PAK5: variants seen among roughly 807,000 people sequenced by gnomAD.
PAK5 encodes the protein p21 (RAC1) activated kinase 5, also known as serine/threonine-protein kinase PAK 5.
PAK5 carries 16 observed loss-of-function variants against 65.9 expected under a neutral mutation model. That is an observed-to-expected ratio of 0.24 (90% CI 0.16 to 0.37). PAK5 has a LOEUF of 0.37. PAK5 is among the 10% of genes least tolerant of loss of function. The pLI is 1.00. For missense variants in PAK5, 785 were observed against 903.9 expected (o/e 0.87, Z 1.69); for synonymous variants, 371 against 354.9 (o/e 1.05, Z -0.51).
rs1157867380 is a variant in PAK5, at chr20:9,563,024, C to A, written c.1483G>T (p.Val495Phe). The A allele has an allele frequency of 6.2e-6, 10 of 1,612,372 alleles. No individual in the cohort carries two copies. Among genetic ancestry groups the A allele is most frequent in the Non-Finnish European group, 8.5e-6 (10 of 1,179,338 alleles). ...QQRRELLFNE[V>F]VIMRDYHHDN... ...TGGTGGTAATCCCGCATGATCACGA[C>A]CTGGGGAAACGGGAAATATACTTTT... is the stretch of plus-strand genomic sequence containing the variant. Residue 495 changes from valine to phenylalanine, a missense_variant and splice_region_variant, in exon 6 of 10, where the codon GTC becomes TTC. By Grantham distance (50) the Val-to-Phe change is conservative. Around this residue, in one of 4 missense-constraint regions of PAK5, gnomAD observed 182 missense variants for 273.0 expected, o/e 0.67. Coordinates refer to ENST00000353224, the MANE Select transcript of PAK5 (RefSeq NM_177990.4).
chr20:9,745,281 C>A (rs2048493562), intron 1 of PAK5, among the ~76,000 whole-genome samples: 1 of 151,392 alleles, frequency 6.6e-6, no homozygotes, highest in Admixed American at 6.6e-5. Flanking sequence ...TTTTTAATGT[C>A]ATTTTTGCTG....
chr20:9,792,083 G>A (rs1241978408), intron 1 of PAK5, among the ~76,000 whole-genome samples: 2 of 152,142 alleles, frequency 1.3e-5, no homozygotes, highest in African/African-American at 4.8e-5. Context: ...CTTGAGGGGT[G>A]ACTCAATGAC....
chr20:9,694,168 G>A (rs1171820479), intron 2 of PAK5, among the ~76,000 whole-genome samples: 7 of 152,012 alleles, frequency 4.6e-5, no homozygotes, highest in African/African-American at 1.4e-4. Flanking sequence ...AAATTGGACT[G>A]ATAGCTGCAA....
At chr20:9,799,654 C>G in intron 1 of PAK5, among the ~76,000 whole-genome samples, 1 of 151,916 alleles carries the variant, frequency 6.6e-6, no homozygotes, top group East Asian at 1.9e-4. Flanking sequence ...TCTGCAGCCA[C>G]TGAACATGAG....
intron 3 of PAK5, among the ~76,000 whole-genome samples, chr20:9,586,522 C>T (rs1415971016): frequency 6.6e-6 from 1 of 152,088 alleles, no homozygotes; most frequent in Non-Finnish European, 1.5e-5. Flanking sequence ...ATCTATGTGT[C>T]TAGGCCTATA....
intron 3 of PAK5, among the ~76,000 whole-genome samples, chr20:9,620,058 C>A (rs948855904): frequency 2.0e-5 from 3 of 152,196 alleles, no homozygotes; most frequent in Non-Finnish European, 4.4e-5. Flanking sequence ...CTTTAGTGTA[C>A]AGATAACATG....
chr20:9,587,246 G>A (rs992043688), intron 3 of PAK5, among the ~76,000 whole-genome samples: 1 of 152,056 alleles, frequency 6.6e-6, no homozygotes, highest in African/African-American at 2.4e-5. Flanking sequence ...GCTTCATATG[G>A]TGGGAAAAAA....
At chr20:9,644,709 T>A (rs775375509) in intron 2 of PAK5, among the ~76,000 whole-genome samples, 6 of 152,170 alleles carry the variant, frequency 3.9e-5, no homozygotes, top group Non-Finnish European at 8.8e-5. Context: ...GATCTCTCTC[T>A]CAGGGAGATG....
Position 9,757,746 on chromosome 20 carries a change from T to C in PAK5, c.-161-46311A>G, listed in dbSNP as rs145918499. On this transcript the variant is annotated intron_variant, in intron 1 of 9. Transcript: ENST00000353224. ...TCTAGGTCTTCCAAGAACATTTTTA[T>C]GCACATGTATACTGATCTCCTTCAT... Among the ~76,000 whole-genome samples the C allele has an allele frequency of 3.7e-3, 557 of 152,320 alleles. 3 individuals carry two copies. Among genetic ancestry groups the C allele is most frequent in the African/African-American group, 0.013 (521 of 41,584 alleles).
intron 1 of PAK5, among the ~76,000 whole-genome samples, chr20:9,723,101 G>C (rs1204835368): frequency 1.3e-5 from 2 of 152,166 alleles, no homozygotes; most frequent in African/African-American, 4.8e-5. Flanking sequence ...CGAGCGTGGA[G>C]CAGCGGGTGC....
chr20:9,540,972 G>A (rs908659429), intron 9 of PAK5, among the ~76,000 whole-genome samples: 4 of 152,114 alleles, frequency 2.6e-5, no homozygotes, highest in African/African-American at 4.8e-5. Flanking sequence ...TCCTGACCTC[G>A]TGATCCGCCC....
intron 1 of PAK5, among the ~76,000 whole-genome samples, chr20:9,734,094 T>C (rs940234998): frequency 1.3e-5 from 2 of 152,208 alleles, no homozygotes; most frequent in African/African-American, 4.8e-5. Flanking sequence ...TTAGATTTCC[T>C]GTGGTAATAG....
intron 3 of PAK5, among the ~76,000 whole-genome samples, chr20:9,627,964 C>T (rs6056763): frequency 8.5e-5 from 13 of 152,296 alleles, no homozygotes; most frequent in African/African-American, 2.6e-4. Context: ...AGAACTCACA[C>T]TTGTACGGTT....
chr20:9,835,234 T>C (rs1299776958), intron 1 of PAK5, among the ~76,000 whole-genome samples: 2 of 152,214 alleles, frequency 1.3e-5, no homozygotes. Context: ...ATGGCCATTA[T>C]AGAGCTTACA....
At chr20:9,631,554 G>A (rs1281896944) in intron 3 of PAK5, among the ~76,000 whole-genome samples, 2 of 152,198 alleles carry the variant, frequency 1.3e-5, no homozygotes, top group Admixed American at 1.3e-4. Context: ...TGAGCCTCCA[G>A]ATGGGAATGA....
At chr20:9,786,992 T>C (rs1363671308) in intron 1 of PAK5, among the ~76,000 whole-genome samples, 1 of 152,168 alleles carries the variant, frequency 6.6e-6, no homozygotes, top group Non-Finnish European at 1.5e-5. Flanking sequence ...AATTTAAGTA[T>C]TTCTGAATCA....
chr20:9,762,828 G>A (rs569985418), intron 1 of PAK5, among the ~76,000 whole-genome samples: 36 of 152,114 alleles, frequency 2.4e-4, no homozygotes, highest in Middle Eastern at 6.8e-3. Flanking sequence ...TGTTCACTGT[G>A]GCATTACACA....
At chr20:9,818,212 C>T (rs953999661) in intron 1 of PAK5, among the ~76,000 whole-genome samples, 5 of 152,168 alleles carry the variant, frequency 3.3e-5, no homozygotes, top group Admixed American at 6.5e-5. Context: ...TTCCATTATT[C>T]CTCAGGTATG....
intron 2 of PAK5, among the ~76,000 whole-genome samples, chr20:9,688,793 T>C (rs1233889730): frequency 6.6e-6 from 1 of 152,112 alleles, no homozygotes; most frequent in Non-Finnish European, 1.5e-5. Flanking sequence ...TGTTGTCATA[T>C]GAAACAATTT....
Sources: gnomAD v4.1 joint callset for allele counts (sites outside exome capture counted in the v4.1 genomes callset) on GRCh38, gnomAD v4.1.1 for gene constraint, gnomAD v4.1.1 regional missense constraint, MANE v1.5 for transcripts, NCBI Gene and HGNC (gene_info 2026-07-23, HGNC 2026-07-21) for gene names.